CSGALNACT1: variants seen among roughly 807,000 people sequenced by gnomAD.
CSGALNACT1 encodes the protein beta4GalNAcT-1.
Under a neutral mutation model 51.0 loss-of-function variants are expected in CSGALNACT1, and 52 were observed. The observed-to-expected ratio is 1.02, with a 90% CI of 0.82 to 1.29. The LOEUF (loss-of-function observed/expected upper bound fraction) is 1.29, where lower values mean the gene tolerates loss of function less well. Among genes scored for constraint, CSGALNACT1 ranks in the 50% most tolerant of loss-of-function variants. The pLI, the probability that CSGALNACT1 is intolerant of heterozygous loss-of-function variation, is 0.00. For missense variants in CSGALNACT1, 935 were observed against 679.2 expected (o/e 1.38, Z -4.19); for synonymous variants, 341 against 254.4 (o/e 1.34, Z -3.24).
At chr8:19,434,097 C>T (rs1490551550) in intron 6 of CSGALNACT1, among the ~76,000 whole-genome samples, 2 of 152,162 alleles carry the variant, frequency 1.3e-5, no homozygotes, top group Non-Finnish European at 2.9e-5. Flanking sequence ...CAGATTGTTG[C>T]AAACTTTGGT....
intron 3 of CSGALNACT1, among the ~76,000 whole-genome samples, chr8:19,513,463 T>TATATATATATATATATATATA (rs1563834590): frequency 1.7e-4 from 25 of 143,538 alleles, no homozygotes; most frequent in South Asian, 4.4e-4. Flanking sequence ...TATATATATA[T>TATATATATATATATATATATA]TTTGTGCCAT....
chr8:19,574,498 A>C (rs995077629), intron 3 of CSGALNACT1, among the ~76,000 whole-genome samples: 8 of 152,196 alleles, frequency 5.3e-5, no homozygotes, highest in African/African-American at 1.9e-4. Flanking sequence ...CAATAAATAC[A>C]TAGCCTCATT....
At chr8:19,676,768 G>A (rs973475682) in intron 1 of CSGALNACT1, among the ~76,000 whole-genome samples, 9 of 152,186 alleles carry the variant, frequency 5.9e-5, no homozygotes, top group Admixed American at 5.9e-4. Flanking sequence ...GCAAGAGGAA[G>A]AGAAACCATC....
At chr8:19,550,254 A>T (rs2087644223) in intron 3 of CSGALNACT1, among the ~76,000 whole-genome samples, 1 of 152,182 alleles carries the variant, frequency 6.6e-6, no homozygotes. Flanking sequence ...TCAAACAGCC[A>T]GGACAACAGA....
chr8:19,448,646 C>T (rs775081444), intron 5 of CSGALNACT1, among the ~76,000 whole-genome samples: 5 of 152,084 alleles, frequency 3.3e-5, no homozygotes, highest in African/African-American at 4.8e-5. Context: ...CCAGGCTGAG[C>T]CTTGATAGGT....
At chr8:19,655,142 C>T (rs2058146040) in intron 1 of CSGALNACT1, among the ~76,000 whole-genome samples, 2 of 152,078 alleles carry the variant, frequency 1.3e-5, no homozygotes, top group South Asian at 4.1e-4. Context: ...AAGTCATTTT[C>T]CTGGAATGGT....
chr8:19,754,043 T>G (rs1190317139), intron 1 of CSGALNACT1, among the ~76,000 whole-genome samples: 1 of 151,798 alleles, frequency 6.6e-6, no homozygotes, highest in Admixed American at 6.6e-5. Context: ...TGGCTCCATT[T>G]TCTTTTTTCA....
upstream of CSGALNACT1, chr8:19,683,097 G>A (rs997717377): frequency 1.8e-5 from 4 of 222,310 alleles, no homozygotes; most frequent in East Asian, 1.1e-4. Flanking sequence ...TGCGATCACA[G>A]GACATAATGG....
chr8:19,682,296 G>A (rs747229189), intron 1 of CSGALNACT1, among the ~76,000 whole-genome samples: 24 of 152,222 alleles, frequency 1.6e-4, no homozygotes, highest in Admixed American at 7.8e-4. Context: ...GCTTTGGGCC[G>A]CTAGGCAATG....
chr8:19,554,986 TC>T (rs1645763762), intron 3 of CSGALNACT1, among the ~76,000 whole-genome samples: 1 of 151,292 alleles, frequency 6.6e-6, no homozygotes, highest in African/African-American at 2.4e-5. Flanking sequence ...ATGCCTGTAA[TC>T]CCAGCATTTA....
intron 6 of CSGALNACT1, among the ~76,000 whole-genome samples, chr8:19,430,549 C>T (rs1297526707): frequency 6.6e-6 from 1 of 152,162 alleles, no homozygotes; most frequent in Non-Finnish European, 1.5e-5. Context: ...CCGAACTCTG[C>T]TTTCCATCCA....
intron 1 of CSGALNACT1, among the ~76,000 whole-genome samples, chr8:19,615,280 G>A (rs368512373): frequency 2.0e-5 from 3 of 152,132 alleles, no homozygotes; most frequent in Non-Finnish European, 4.4e-5. Flanking sequence ...TCCAGCCTGG[G>A]GGACAAAGTG....
intron 8 of CSGALNACT1, among the ~76,000 whole-genome samples, chr8:19,413,816 C>T (rs958347028): frequency 6.6e-6 from 1 of 152,122 alleles, no homozygotes; most frequent in East Asian, 1.9e-4. Flanking sequence ...AAGGAGGTGG[C>T]CTTGAGGAGC....
At chr8:19,442,925 T>C (rs751921591) in intron 5 of CSGALNACT1, among the ~76,000 whole-genome samples, 1 of 152,096 alleles carries the variant, frequency 6.6e-6, no homozygotes, top group Non-Finnish European at 1.5e-5. Flanking sequence ...TCTGAGGAAA[T>C]GGCAAGGCAG....
intron 1 of CSGALNACT1, among the ~76,000 whole-genome samples, chr8:19,666,271 G>A (rs2059164859): frequency 6.6e-6 from 1 of 152,144 alleles, no homozygotes; most frequent in African/African-American, 2.4e-5. Context: ...ACCATCTATT[G>A]TCCTCATATT....
chr8:19,567,282 T>C (rs1588446171), intron 3 of CSGALNACT1, among the ~76,000 whole-genome samples: 1 of 152,262 alleles, frequency 6.6e-6, no homozygotes, highest in East Asian at 1.9e-4. Context: ...ACTGTAAACG[T>C]CAATTCTTCC....
At chr8:19,475,085 C>T (rs1233474025) in intron 4 of CSGALNACT1, among the ~76,000 whole-genome samples, 38 of 151,904 alleles carry the variant, frequency 2.5e-4, no homozygotes, top group Non-Finnish European at 1.5e-4. Context: ...GAGAAGGGCA[C>T]CCAGACAGGG....
At chr8:19,554,855 T>A (rs911185588) in intron 3 of CSGALNACT1, among the ~76,000 whole-genome samples, 1 of 152,090 alleles carries the variant, frequency 6.6e-6, no homozygotes. Context: ...GAGGCGGCAG[T>A]TGCAGTGAGC....
At chr8:19,656,776 A>T (rs2058316751) in intron 1 of CSGALNACT1, among the ~76,000 whole-genome samples, 1 of 152,254 alleles carries the variant, frequency 6.6e-6, no homozygotes, top group African/African-American at 2.4e-5. Context: ...TTTAGAAATC[A>T]AACCATGTAG....
Sources: allele counts gnomAD v4.1 joint callset (sites outside exome capture counted in the v4.1 genomes callset), GRCh38; gene constraint gnomAD v4.1.1; transcripts MANE v1.5; gene names NCBI Gene and HGNC (gene_info 2026-07-23, HGNC 2026-07-21).